Variants in ARHGDIA observed in about 807,000 individuals in gnomAD.
ARHGDIA encodes the protein rho GDP-dissociation inhibitor 1.
ARHGDIA carries 9 observed loss-of-function variants against 25.0 expected under a neutral mutation model. That is an observed-to-expected ratio of 0.36 (90% CI 0.22 to 0.63). The LOEUF is 0.63. ARHGDIA is among the 20% of genes least tolerant of loss of function. ARHGDIA has a pLI of 0.69. For synonymous variants in ARHGDIA, 166 were observed against 111.5 expected (o/e 1.49, Z -3.08); for missense variants, 239 against 264.3 (o/e 0.90, Z 0.66).
rs1250216518 is a variant in ARHGDIA at position 81,868,644 on chromosome 17, G to A, written c.*232C>T. Reference sequence around the variant, plus strand: ...TGCGGCCTCTCTCCCCCACAGCACAGGCAGAAGCAGCAACGAGACAGGAGA... The same window carrying A: ...TGCGGCCTCTCTCCCCCACAGCACAAGCAGAAGCAGCAACGAGACAGGAGA... On this transcript the variant is annotated 3_prime_UTR_variant, in exon 6 of 6. Transcript: ENST00000269321. 17 of 1,535,194 alleles carry A rather than the reference G, an allele frequency of 1.1e-5. No homozygotes were observed. The Admixed American group carries it at 2.7e-4, about 25-fold the overall frequency.
rs780635666 is a variant in ARHGDIA at position 81,869,708 on chromosome 17, G to A, written c.190+33C>T. 27 of 1,594,212 alleles carry A rather than the reference G, an allele frequency of 1.7e-5. 1 individual carries two copies. The South Asian group carries it at 2.8e-4, about 17-fold the overall frequency. The stretch of plus-strand genomic sequence containing the variant: ...AGCGGCAAGACAGCTGGAGTGAACG[G>A]GCGGCCACCCGGCTCCCGCAGCCCA... On this transcript the variant is annotated intron_variant, in intron 2 of 5. Transcript: ENST00000269321.
In ARHGDIA at chr17:81,869,537, CT is replaced by C. The variant is rs765300609; in HGVS notation, c.274+4del. Reference sequence around the variant, plus strand: ...CCCGGACCCCCGCGGCCGCAGGGCACTCACCCGTCAGGTCCAGCTCCAGGGG... The same window carrying C: ...CCCGGACCCCCGCGGCCGCAGGGCACCACCCGTCAGGTCCAGCTCCAGGGG... On this transcript the variant is annotated splice_donor_region_variant and intron_variant, in intron 3 of 5. Coordinates refer to ENST00000269321, the MANE Select transcript of ARHGDIA (RefSeq NM_004309.6). 6.3e-7 allele frequency: 1 copy of C among 1,594,984 alleles called. No individual in the cohort carries two copies. Among genetic ancestry groups the C allele is most frequent in the Non-Finnish European group, 8.5e-7 (1 of 1,171,352 alleles).
chr17:81,870,571 A>T (rs570713109), intron 1 of ARHGDIA: 1 of 152,660 alleles, frequency 6.6e-6, no homozygotes, highest in South Asian at 2.0e-4. Flanking sequence ...GAGCTACCAC[A>T]GCCACTCAGT....
chr17:81,870,104 G>T, intron 1 of ARHGDIA, 147 bp from the exon 2 acceptor site: 1 of 747,024 alleles, frequency 1.3e-6, no homozygotes, highest in Non-Finnish European at 2.1e-6. Context: ...CCTGCTCAGG[G>T]GCATCCTCTG....
intron 1 of ARHGDIA, 192 bp downstream of exon 1, chr17:81,871,106 C>T (rs1382368476): frequency 3.4e-5 from 5 of 147,676 alleles, no homozygotes; most frequent in Non-Finnish European, 7.6e-5. Context: ...CCCGGCCCCG[C>T]CCTAGCCCGC....
chr17:81,868,842 TC>T lies in ARHGDIA; in HGVS notation c.*33del, dbSNP rs746580972. 47 of 1,612,994 alleles carry T rather than the reference TC, an allele frequency of 2.9e-5. No individual in the cohort carries two copies. In the African/African-American group the frequency reaches 6.1e-4, roughly 21 times the overall value. On this transcript the variant is annotated 3_prime_UTR_variant, in exon 6 of 6. Transcript: ENST00000269321. Reference sequence around the variant, plus strand: ...GACACATCCGCCTGTCCGTCGTCCGTCCGTCAGTCTGCCCTGCCCGCCTCTG... The same window carrying T: ...GACACATCCGCCTGTCCGTCGTCCGTCGTCAGTCTGCCCTGCCCGCCTCTG...
At chr17:81,869,109 C>G (rs377159229) in intron 5 of ARHGDIA, 34 bp from the exon 6 acceptor site, 9 of 1,612,626 alleles carry the variant, frequency 5.6e-6, no homozygotes, top group African/African-American at 5.3e-5. Context: ...TCAGCGGCCC[C>G]GCTTCCCCGC....
rs1407309903 is a variant in ARHGDIA, at chr17:81,868,428, T to C, written c.*448A>G. 1 of 1,460,706 alleles carries C rather than the reference T, an allele frequency of 6.8e-7. No individual in the cohort carries two copies. The highest frequency in any genetic ancestry group is 1.4e-5 in the African/African-American group (1 of 70,422). 90.5% of individuals were successfully genotyped at this position (1,460,706 alleles called of 1,614,324 possible). On this transcript the variant is annotated 3_prime_UTR_variant, in exon 6 of 6. Coordinates refer to ENST00000269321, the MANE Select transcript of ARHGDIA (RefSeq NM_004309.6). ...GGGGCTGGCCAGGGAGCAGCGGGGC[T>C]GGAGGACGGCCCGGCCCCCACGAGG...
In ARHGDIA at chr17:81,869,161, G is replaced by A. The variant is rs760612373; in HGVS notation, c.415+12C>T. Reference sequence around the variant, plus strand: ...AAGCGGCCCCCTCTGCCCTGCCCGGGGCCCCACTCACTCTTGACGCCTTTC... The same window carrying A: ...AAGCGGCCCCCTCTGCCCTGCCCGGAGCCCCACTCACTCTTGACGCCTTTC... On this transcript the variant is annotated intron_variant, in intron 5 of 5. Transcript: ENST00000269321. 1.4e-5 allele frequency: 22 copies of A among 1,613,908 alleles called. No homozygotes were observed. The highest frequency in any genetic ancestry group is 1.7e-5 in the Non-Finnish European group (20 of 1,179,942).
chr17:81,868,055 G>A lies in ARHGDIA; in HGVS notation c.*821C>T, dbSNP rs561286472. 6 of 279,246 alleles carry A rather than the reference G, an allele frequency of 2.1e-5. No individual in the cohort carries two copies. Among genetic ancestry groups the A allele is most frequent in the South Asian group, 2.8e-4 (2 of 7,132 alleles). 17.3% of individuals were successfully genotyped at this position (279,246 alleles called of 1,614,324 possible). A position where few individuals can be genotyped will look rare whatever the true frequency, so the allele number is the denominator to read the frequency against. Reference sequence around the variant, plus strand: ...GTCCATCGAGGGCTCTTGGGGGGGTGTGGGCTCTGGGCACTGCCCGCTGAG... The same window carrying A: ...GTCCATCGAGGGCTCTTGGGGGGGTATGGGCTCTGGGCACTGCCCGCTGAG... On this transcript the variant is annotated 3_prime_UTR_variant, in exon 6 of 6. Transcript: ENST00000269321.
rs2039090394 is a variant in ARHGDIA, at chr17:81,867,911, ACT to A, written c.*963_*964del. The A allele has an allele frequency of 6.4e-6, 1 of 156,654 alleles. No individual in the cohort carries two copies. The highest frequency in any genetic ancestry group is 1.4e-5 in the Non-Finnish European group (1 of 71,090). 9.7% of individuals were successfully genotyped at this position (156,654 alleles called of 1,614,324 possible). Reference sequence around the variant, plus strand: ...GGGAAGGCCTGCCGGGGGTGGTGGCACTGAGAGCCTGGGGGAACAGGCGCCAG... The same window carrying A: ...GGGAAGGCCTGCCGGGGGTGGTGGCAGAGAGCCTGGGGGAACAGGCGCCAG... On this transcript the variant is annotated 3_prime_UTR_variant, in exon 6 of 6. Coordinates refer to ENST00000269321, the MANE Select transcript of ARHGDIA (RefSeq NM_004309.6).
rs1408978807 is a variant in ARHGDIA, at chr17:81,869,725, C to T, written c.190+16G>A. On this transcript the variant is annotated intron_variant, in intron 2 of 5. Coordinates refer to ENST00000269321, the MANE Select transcript of ARHGDIA (RefSeq NM_004309.6). ...AGTGAACGGGCGGCCACCCGGCTCCCGCAGCCCAGACTCACCTGCGGAAAC... is the reference window on the plus strand; with the variant it reads ...AGTGAACGGGCGGCCACCCGGCTCCTGCAGCCCAGACTCACCTGCGGAAAC... The T allele has an allele frequency of 1.2e-6, 2 of 1,606,710 alleles. No homozygotes were observed. Among genetic ancestry groups the T allele is most frequent in the Non-Finnish European group, 1.7e-6 (2 of 1,176,646 alleles).
rs2039143793 is a variant in ARHGDIA at position 81,868,676 on chromosome 17, A to C, written c.*200T>G. 2 of 1,534,232 alleles carry C rather than the reference A, an allele frequency of 1.3e-6. No individual in the cohort carries two copies. Among genetic ancestry groups the C allele is most frequent in the African/African-American group, 1.4e-5 (1 of 72,950 alleles). ...GCAGCAACGAGACAGGAGACCGAGG[A>C]GGCTGGGCCTGTGGGTGGGGGAGGG... On this transcript the variant is annotated 3_prime_UTR_variant, in exon 6 of 6. Transcript: ENST00000269321.
In ARHGDIA at chr17:81,869,770, G is replaced by C. The variant is rs750705486; in HGVS notation, c.161C>G (p.Ala54Gly). ...DDESLRKYKE[A>G]LLGRVAVSAD... is the part of the protein sequence containing the mutation. ...GGAAACGGCCACGCGGCCCAGCAGGGCCTCCTTGTACTTTCGCAGGCTCTC... is the reference window on the plus strand; with the variant it reads ...GGAAACGGCCACGCGGCCCAGCAGGCCCTCCTTGTACTTTCGCAGGCTCTC... Residue 54 changes from alanine to glycine, a missense_variant, in exon 2 of 6, where the codon GCC (alanine) becomes GGC (glycine). By Grantham distance (60) the Ala-to-Gly change is moderately conservative (BLOSUM62 0). Transcript: ENST00000269321. 1.2e-6 allele frequency: 2 copies of C among 1,613,804 alleles called. No homozygotes were observed. The highest frequency in any genetic ancestry group is 4.5e-5 in the East Asian group (2 of 44,888).
Position 81,869,198 on chromosome 17 carries a change from C to T in ARHGDIA, c.390G>A (p.Gln130=), listed in dbSNP as rs1380080270. Residue 130 remains glutamine (Q), a synonymous_variant, in exon 5 of 6, where the codon CAG becomes CAA. Transcript: ENST00000269321. ...TCTTGACGCCTTTCCTGTACGTATG[C>T]TGGATGTACTTCATGCCGGACACTA... ...REIVSGMKYI[Q]HTYRKGVKID... The T allele has an allele frequency of 1.2e-6, 2 of 1,613,894 alleles. No homozygotes were observed. The highest frequency in any genetic ancestry group is 1.7e-6 in the Non-Finnish European group (2 of 1,179,970).
intron 1 of ARHGDIA, chr17:81,870,543 C>G (rs2039262245): frequency 6.5e-6 from 1 of 152,768 alleles, no homozygotes; most frequent in Non-Finnish European, 1.5e-5. Flanking sequence ...TTGTGAGGGT[C>G]TGTGACCTAC....
Position 81,868,642 on chromosome 17 carries a change from C to A in ARHGDIA, c.*234G>T. ...GCTGCGGCCTCTCTCCCCCACAGCA[C>A]AGGCAGAAGCAGCAACGAGACAGGA... On this transcript the variant is annotated 3_prime_UTR_variant, in exon 6 of 6. Coordinates refer to ENST00000269321, the MANE Select transcript of ARHGDIA (RefSeq NM_004309.6). 3.9e-6 allele frequency: 6 copies of A among 1,535,284 alleles called. No homozygotes were observed. The highest frequency in any genetic ancestry group is 5.2e-6 in the Non-Finnish European group (6 of 1,146,774).
rs2039235606 is a variant in ARHGDIA, at chr17:81,869,940, T to TA, written c.-11dup. 12 of 1,612,296 alleles carry TA rather than the reference T, an allele frequency of 7.4e-6. No individual in the cohort carries two copies. The African/African-American group carries it at 9.3e-5, about 13-fold the overall frequency. On this transcript the variant is annotated 5_prime_UTR_variant, in exon 2 of 6. Transcript: ENST00000269321. ...GCTCCTGCTCAGCCATGCTCAAGCT[T>TA]AGCCTGGGTCGGGACACCTGTGGGC...
At position 81,870,041 on chromosome 17, in the gene ARHGDIA, G is replaced by A. The variant is rs926714926; in HGVS notation, c.-27-84C>T. ...AGCAGGAGTGTGGGCTGCAGCCGGA[G>A]CTCCAAAAGGGCTCCAAGGGGGCCA... On this transcript the variant is annotated intron_variant, in intron 1 of 5. Coordinates refer to ENST00000269321, the MANE Select transcript of ARHGDIA (RefSeq NM_004309.6). 7 of 1,365,316 alleles carry A rather than the reference G, an allele frequency of 5.1e-6. No individual in the cohort carries two copies. The Admixed American group carries it at 1.4e-4, about 27-fold the overall frequency. 84.6% of individuals were successfully genotyped at this position (1,365,316 alleles called of 1,614,324 possible).
Sources: allele counts gnomAD v4.1 joint callset, GRCh38; gene constraint gnomAD v4.1.1; transcripts MANE v1.5; gene names NCBI Gene and HGNC (gene_info 2026-07-23, HGNC 2026-07-21).